Variants in TENM2 observed in about 807,000 individuals in gnomAD.
TENM2 encodes the protein teneurin transmembrane protein 2, also known as teneurin-2.
A neutral mutation model predicts 245.2 loss-of-function variants in TENM2; 52 were observed. That is an observed-to-expected ratio of 0.21 (90% CI 0.17 to 0.27). TENM2 has a LOEUF of 0.27. Ranked by LOEUF, TENM2 falls within the 10% of genes least tolerant of loss-of-function variation. The probability of loss-of-function intolerance (pLI) is 1.00; values close to 1 mark genes in which losing one functional copy is unlikely to be tolerated. For synonymous variants in TENM2, 1,363 were observed against 1,438.9 expected (o/e 0.95, Z 1.19); for missense variants, 3,046 against 3,666.8 (o/e 0.83, Z 4.37).
chr5:167,120,900 G>A, the TENM2 span, among the ~76,000 whole-genome samples: 1 of 152,194 alleles, frequency 6.6e-6, no homozygotes, highest in South Asian at 2.1e-4. Context: ...CATCATGGAT[G>A]CAGCAGGGCA....
intron 2 of TENM2, among the ~76,000 whole-genome samples, chr5:167,498,000 T>C (rs769128791): frequency 2.0e-5 from 3 of 152,120 alleles, no homozygotes; most frequent in African/African-American, 2.4e-5. Flanking sequence ...CCTAATCGCC[T>C]CAGAATTATG....
intron 2 of TENM2, among the ~76,000 whole-genome samples, chr5:167,826,141 C>T (rs1405226722): frequency 6.6e-6 from 1 of 152,178 alleles, no homozygotes; most frequent in East Asian, 1.9e-4. Flanking sequence ...AAATCATCCA[C>T]CCAAAACCTT....
chr5:167,997,373 A>G (rs1036915049), intron 5 of TENM2, among the ~76,000 whole-genome samples: 3 of 152,216 alleles, frequency 2.0e-5, no homozygotes, highest in Non-Finnish European at 4.4e-5. Flanking sequence ...TTAGCAAGGT[A>G]GAGTAGTTGG....
intron 2 of TENM2, among the ~76,000 whole-genome samples, chr5:167,384,412 G>A (rs1298615755): frequency 6.6e-6 from 1 of 152,098 alleles, no homozygotes; most frequent in African/African-American, 2.4e-5. Flanking sequence ...GTTGGAGAAT[G>A]GGAGGTGAGG....
At chr5:168,081,332 ATG>A (rs774022404) in intron 7 of TENM2, among the ~76,000 whole-genome samples, 17 of 151,966 alleles carry the variant, frequency 1.1e-4, no homozygotes, top group Non-Finnish European at 2.2e-4. Context: ...GTGTCTCTGC[ATG>A]TGGGATGGGT....
chr5:167,662,752 G>A (rs553865144), intron 2 of TENM2, among the ~76,000 whole-genome samples: 26 of 151,900 alleles, frequency 1.7e-4, no homozygotes, highest in Non-Finnish European at 3.2e-4. Context: ...TTTCTGAACC[G>A]TTCCTTTGGG....
intron 2 of TENM2, among the ~76,000 whole-genome samples, chr5:167,726,633 A>G (rs996260642): frequency 2.6e-5 from 4 of 151,802 alleles, no homozygotes; most frequent in African/African-American, 9.7e-5. Context: ...TAACTTTTTT[A>G]TTTTTTGTAG....
intron 2 of TENM2, among the ~76,000 whole-genome samples, chr5:167,832,540 T>C (rs1768596150): frequency 6.6e-6 from 1 of 152,224 alleles, no homozygotes; most frequent in Non-Finnish European, 1.5e-5. Context: ...TGTAAGATGT[T>C]AATTCATTAT....
intron 2 of TENM2, among the ~76,000 whole-genome samples, chr5:167,529,288 T>G (rs1771334312): frequency 6.6e-6 from 1 of 152,212 alleles, no homozygotes; most frequent in South Asian, 2.1e-4. Context: ...AGCCAGACTC[T>G]TGGTCCTGCT....
the TENM2 span, among the ~76,000 whole-genome samples, chr5:167,243,848 C>T: frequency 6.6e-6 from 1 of 152,090 alleles, no homozygotes; most frequent in Non-Finnish European, 1.5e-5. Flanking sequence ...GTATCTCTGC[C>T]CACCTCCTTC....
chr5:168,206,050 A>C (rs1421319587), intron 19 of TENM2, among the ~76,000 whole-genome samples: 1 of 152,228 alleles, frequency 6.6e-6, no homozygotes, highest in Non-Finnish European at 1.5e-5. Flanking sequence ...ATCAGGTATA[A>C]GGAACGAACA....
At chr5:167,366,809 G>A (rs897529899) in intron 1 of TENM2, among the ~76,000 whole-genome samples, 8 of 152,074 alleles carry the variant, frequency 5.3e-5, no homozygotes, top group African/African-American at 1.9e-4. Flanking sequence ...GAAAAAAATT[G>A]TTTATGGAGG....
At chr5:168,125,159 G>C (rs770100514) in intron 11 of TENM2, 109 bp downstream of exon 13, 32 of 884,806 alleles carry the variant, frequency 3.6e-5, no homozygotes, top group South Asian at 2.7e-4. Context: ...GGGATAAGGG[G>C]ACTTTGATGA....
chr5:167,685,340 G>A (rs1212124721), intron 2 of TENM2, among the ~76,000 whole-genome samples: 1 of 152,122 alleles, frequency 6.6e-6, no homozygotes, highest in Non-Finnish European at 1.5e-5. Flanking sequence ...CAGGCCCCAA[G>A]CCTGTGAAAC....
intron 2 of TENM2, among the ~76,000 whole-genome samples, chr5:167,700,949 T>TAAAAAAA (rs781480259): frequency 7.5e-5 from 6 of 79,918 alleles, no homozygotes; most frequent in Admixed American, 1.7e-4. Flanking sequence ...TTATATTTCT[T>TAAAAAAA]AAAAAAAAAA....
the TENM2 span, among the ~76,000 whole-genome samples, chr5:167,191,190 A>G: frequency 6.6e-6 from 1 of 152,122 alleles, no homozygotes; most frequent in Non-Finnish European, 1.5e-5. Context: ...ATACACCCAC[A>G]TAATCACACA....
intron 7 of TENM2, among the ~76,000 whole-genome samples, chr5:168,074,953 A>G (rs1335485515): frequency 1.3e-5 from 2 of 152,292 alleles, no homozygotes; most frequent in East Asian, 3.9e-4. Flanking sequence ...ATTTATTTCA[A>G]CAGATTTTGG....
At chr5:167,505,521 GA>G (rs1769484844) in intron 2 of TENM2, among the ~76,000 whole-genome samples, 1 of 151,884 alleles carries the variant, frequency 6.6e-6, no homozygotes, top group Admixed American at 6.6e-5. Flanking sequence ...GTTATTATAT[GA>G]AAGCTAATGG....
intron 6 of TENM2, among the ~76,000 whole-genome samples, chr5:168,061,215 T>G (rs775008440): frequency 6.6e-6 from 1 of 152,120 alleles, no homozygotes; most frequent in East Asian, 1.9e-4. Flanking sequence ...ATACTGAGAC[T>G]TTTTTTCCCC....
Sources: allele counts gnomAD v4.1 joint callset (sites outside exome capture counted in the v4.1 genomes callset), GRCh38; gene constraint gnomAD v4.1.1; transcripts MANE v1.5; gene names NCBI Gene and HGNC (gene_info 2026-07-23, HGNC 2026-07-21).